The following EXOC4 variants were observed in gnomAD, a reference collection of about 807,000 sequenced individuals.
EXOC4 encodes exocyst complex component 4.
Under a neutral mutation model 107.2 loss-of-function variants are expected in EXOC4, and 71 were observed. That is an observed-to-expected ratio of 0.66 (90% CI 0.55 to 0.81). The LOEUF is 0.81. Ranked by LOEUF, EXOC4 falls within the 30% of genes least tolerant of loss-of-function variation. The pLI is 0.00. For missense variants in EXOC4, 1,108 were observed against 1,189.6 expected (o/e 0.93, Z 1.01); for synonymous variants, 456 against 441.2 (o/e 1.03, Z -0.42).
intron 13 of EXOC4, among the ~76,000 whole-genome samples, chr7:133,919,460 C>T (rs1018033698): frequency 6.6e-6 from 1 of 152,152 alleles, no homozygotes; most frequent in Non-Finnish European, 1.5e-5. Flanking sequence ...ATAAGGAATA[C>T]ATCCACCATT....
chr7:133,962,354 T>G (rs1410664572), intron 14 of EXOC4, among the ~76,000 whole-genome samples: 1 of 152,224 alleles, frequency 6.6e-6, no homozygotes, highest in Non-Finnish European at 1.5e-5. Context: ...CCCTGAGCTT[T>G]TCTGTCACAG....
intron 17 of EXOC4, among the ~76,000 whole-genome samples, chr7:134,049,969 C>T (rs1795745777): frequency 6.6e-6 from 1 of 152,108 alleles, no homozygotes. Flanking sequence ...GAGTACTCTG[C>T]CACCATTAAG....
At chr7:134,035,554 G>C (rs1475059771) in intron 17 of EXOC4, among the ~76,000 whole-genome samples, 2 of 152,098 alleles carry the variant, frequency 1.3e-5, no homozygotes, top group African/African-American at 4.8e-5. Flanking sequence ...TCCACATCAG[G>C]AGATTTATCT....
At chr7:133,976,852 T>C (rs901239407) in intron 14 of EXOC4, among the ~76,000 whole-genome samples, 12 of 152,258 alleles carry the variant, frequency 7.9e-5, no homozygotes, top group Non-Finnish European at 1.5e-4. Context: ...ACTGTTTCTC[T>C]GAAAATCAAA....
intron 17 of EXOC4, among the ~76,000 whole-genome samples, chr7:134,015,336 TTTTTG>T (rs1794877956): frequency 6.6e-6 from 1 of 152,226 alleles, no homozygotes; most frequent in South Asian, 2.1e-4. Context: ...CAGGGACTCT[TTTTTG>T]TTCACTGCTG....
chr7:133,553,331 TTCCGTC>T (rs1160340993), intron 9 of EXOC4, among the ~76,000 whole-genome samples: 2 of 152,308 alleles, frequency 1.3e-5, no homozygotes, highest in Middle Eastern at 3.4e-3. Context: ...GCTAAATCAA[TTCCGTC>T]TCTTGCTTTT....
At chr7:133,253,270 C>T (rs1794933539) in intron 1 of EXOC4, 83 bp downstream of exon 1, 5 of 1,499,154 alleles carry the variant, frequency 3.3e-6, no homozygotes, top group Admixed American at 2.0e-5. Context: ...TTAGCTGGGT[C>T]CCACCCTGCT....
At chr7:133,673,272 G>GT (rs1793987103) in intron 10 of EXOC4, among the ~76,000 whole-genome samples, 1 of 152,210 alleles carries the variant, frequency 6.6e-6, no homozygotes. Context: ...GCTAGCATCT[G>GT]TATGTATACT....
rs967516036 is a variant in EXOC4 at position 133,875,017 on chromosome 7, A to G, written c.1735-20582A>G. On this transcript the variant is annotated intron_variant, in intron 11 of 17. Transcript: ENST00000253861. ...CATCAAGAGGAGCTTCTGTAACTACAGATGCTTTGCGACATGACAAACTAG... is the reference window on the plus strand; with the variant it reads ...CATCAAGAGGAGCTTCTGTAACTACGGATGCTTTGCGACATGACAAACTAG... 3.9e-5 allele frequency among the ~76,000 whole-genome samples: 6 copies of G among 152,380 alleles called. No individual in the cohort carries two copies. The South Asian group carries it at 1.0e-3, about 26-fold the overall frequency.
chr7:133,644,030 G>A (rs182993450), intron 10 of EXOC4, among the ~76,000 whole-genome samples: 28 of 152,254 alleles, frequency 1.8e-4, no homozygotes, highest in Admixed American at 1.6e-3. Flanking sequence ...AAGGGGACCC[G>A]GCCTCCCGTT....
chr7:133,637,033 T>C (rs989283965), intron 10 of EXOC4, among the ~76,000 whole-genome samples: 1 of 152,196 alleles, frequency 6.6e-6, no homozygotes, highest in Non-Finnish European at 1.5e-5. Context: ...AGGGTACTGT[T>C]TCATGGCCTG....
At chr7:133,591,570 G>A (rs2432640) in intron 9 of EXOC4, among the ~76,000 whole-genome samples, 8 of 3,708 alleles carry the variant, frequency 2.2e-3, no homozygotes, top group African/African-American at 5.4e-3. Flanking sequence ...GTGTGTGTGC[G>A]TGTGTGTGTG....
chr7:134,005,430 A>C (rs1326876712), intron 16 of EXOC4, among the ~76,000 whole-genome samples: 1 of 152,220 alleles, frequency 6.6e-6, no homozygotes, highest in Non-Finnish European at 1.5e-5. Flanking sequence ...ATACACAATG[A>C]GGAGAGAATC....
chr7:134,063,700 C>G (rs1054734438), intron 17 of EXOC4, among the ~76,000 whole-genome samples: 1 of 152,154 alleles, frequency 6.6e-6, no homozygotes, highest in Non-Finnish European at 1.5e-5. Context: ...TTATATACTA[C>G]TATTAATTTT....
At chr7:133,866,760 A>G (rs1386870836) in intron 11 of EXOC4, among the ~76,000 whole-genome samples, 1 of 152,242 alleles carries the variant, frequency 6.6e-6, no homozygotes, top group Non-Finnish European at 1.5e-5. Context: ...AAAAATAAAA[A>G]TTACTTATAT....
At chr7:134,040,798 C>G (rs1476028736) in intron 17 of EXOC4, among the ~76,000 whole-genome samples, 1 of 152,154 alleles carries the variant, frequency 6.6e-6, no homozygotes, top group Non-Finnish European at 1.5e-5. Context: ...AAGCATGTTT[C>G]AGGATGATCC....
At chr7:134,061,686 G>A (rs376545752) in intron 17 of EXOC4, among the ~76,000 whole-genome samples, 272 of 152,168 alleles carry the variant, frequency 1.8e-3, no homozygotes, top group Middle Eastern at 0.01. Flanking sequence ...TATATTCTTA[G>A]GAAGTTCCAT....
At chr7:133,671,329 C>T (rs1176114522) in intron 10 of EXOC4, among the ~76,000 whole-genome samples, 2 of 152,018 alleles carry the variant, frequency 1.3e-5, no homozygotes, top group Non-Finnish European at 2.9e-5. Flanking sequence ...TTTGAGAGGC[C>T]GAGGCAGGTG....
intron 10 of EXOC4, among the ~76,000 whole-genome samples, chr7:133,705,985 A>C (rs1325731623): frequency 6.6e-6 from 1 of 152,192 alleles, no homozygotes; most frequent in Non-Finnish European, 1.5e-5. Context: ...TGTTTATTAA[A>C]CTTCGTTTCT....
Sources: gnomAD v4.1 joint callset for allele counts (sites outside exome capture counted in the v4.1 genomes callset) on GRCh38, gnomAD v4.1.1 for gene constraint, MANE v1.5 for transcripts, NCBI Gene and HGNC (gene_info 2026-07-23, HGNC 2026-07-21) for gene names.